Variants in AXIN1 observed in about 807,000 individuals in gnomAD.
AXIN1 encodes the protein axin-1.
AXIN1 carries 30 observed loss-of-function variants against 76.4 expected under a neutral mutation model. The observed-to-expected ratio is 0.39, with a 90% CI of 0.29 to 0.53. AXIN1 has a LOEUF of 0.53. AXIN1 is among the 20% of genes least tolerant of loss of function. The pLI is 0.66. For missense variants in AXIN1, 1,140 were observed against 1,198.8 expected (o/e 0.95, Z 0.72); for synonymous variants, 545 against 501.4 (o/e 1.09, Z -1.16).
chr16:335,635 C>G (rs2053788369), intron 2 of AXIN1, among the ~76,000 whole-genome samples: 1 of 152,044 alleles, frequency 6.6e-6, no homozygotes, highest in African/African-American at 2.4e-5. Context: ...AATAACAGCA[C>G]CCAGTACCAC....
At chr16:298,323 G>A (rs2052776168) in intron 5 of AXIN1, 72 bp from the exon 6 acceptor site, 1 of 1,532,092 alleles carries the variant, frequency 6.5e-7, no homozygotes, top group Non-Finnish European at 8.7e-7. Flanking sequence ...AAAGCATCAG[G>A]CCTGACCCAG....
chr16:330,324 AAAGTGCTGGGATTACAGATGTGAGCC>A (rs2053669026), intron 2 of AXIN1, among the ~76,000 whole-genome samples: 1 of 152,142 alleles, frequency 6.6e-6, no homozygotes, highest in Non-Finnish European at 1.5e-5. Flanking sequence ...TTGGCCTCCC[AAAGTGCTGGGATTACAGATGTGAGCC>A]ACTGTGCCCG....
chr16:289,517 G>A lies in AXIN1; in HGVS notation c.2385C>T (p.Pro795=), dbSNP rs369486230. ...CGCGGCCCCTCACCAGGGTGCGGTA[G>A]GGGATGGGTTCCCCGCAGAAGTAGT... The part of the protein sequence containing the change: ...VAYYFCGEPI[P]YRTLVRGRAV... Residue 795 remains proline (P), a synonymous_variant, in exon 10 of 11, where the codon CCC becomes CCT. Coordinates refer to ENST00000262320, the MANE Select transcript of AXIN1 (RefSeq NM_003502.4). The A allele has an allele frequency of 1.9e-6, 3 of 1,612,886 alleles. No individual in the cohort carries two copies. Among genetic ancestry groups the A allele is most frequent in the Non-Finnish European group, 2.5e-6 (3 of 1,180,034 alleles).
At chr16:347,608 C>T (rs1001838856) in intron 1 of AXIN1, among the ~76,000 whole-genome samples, 1 of 152,250 alleles carries the variant, frequency 6.6e-6, no homozygotes, top group Non-Finnish European at 1.5e-5. Context: ...AGGTGGTGGG[C>T]GTCTTCTGAA....
At chr16:291,123 T>C (rs747810063) in intron 9 of AXIN1, 67 bp downstream of exon 9, 7 of 1,465,196 alleles carry the variant, frequency 4.8e-6, no homozygotes, top group African/African-American at 1.4e-5. Flanking sequence ...GGCTCTACGA[T>C]GGGACCTGGC....
At chr16:303,804 C>G (rs532414385) in intron 5 of AXIN1, among the ~76,000 whole-genome samples, 1 of 152,204 alleles carries the variant, frequency 6.6e-6, no homozygotes, top group Non-Finnish European at 1.5e-5. Context: ...AGCAAAGAGT[C>G]CTACAACACA....
At chr16:288,589 C>G (rs2052456693) in intron 10 of AXIN1, among the ~76,000 whole-genome samples, 1 of 152,230 alleles carries the variant, frequency 6.6e-6, no homozygotes. Context: ...GGAGGTGACC[C>G]CAACTGGGGC....
At chr16:317,908 A>C (rs1035133750) in intron 2 of AXIN1, among the ~76,000 whole-genome samples, 19 of 152,244 alleles carry the variant, frequency 1.2e-4, no homozygotes, top group Non-Finnish European at 2.8e-4. Flanking sequence ...CTTTCTATAA[A>C]CATCTATTTG....
intron 2 of AXIN1, among the ~76,000 whole-genome samples, chr16:317,373 C>G (rs1027327470): frequency 6.6e-6 from 1 of 152,136 alleles, no homozygotes; most frequent in Non-Finnish European, 1.5e-5. Flanking sequence ...GCCTTTCATA[C>G]GAACAGTGCT....
At chr16:292,723 G>A (rs2052600821) in intron 8 of AXIN1, 1 of 152,284 alleles carries the variant, frequency 6.6e-6, no homozygotes, top group Admixed American at 6.5e-5. Context: ...CGAGAAAACT[G>A]GCCTTATGAG....
chr16:347,756 T>C (rs2054061975), intron 1 of AXIN1, among the ~76,000 whole-genome samples: 1 of 152,138 alleles, frequency 6.6e-6, no homozygotes, highest in African/African-American at 2.4e-5. Flanking sequence ...GAGATAATCA[T>C]GGGTCACCTT....
At chr16:340,983 G>A (rs2053906201) in intron 2 of AXIN1, among the ~76,000 whole-genome samples, 1 of 152,274 alleles carries the variant, frequency 6.6e-6, no homozygotes, top group Non-Finnish European at 1.5e-5. Context: ...GGGGATGAGC[G>A]ACTGTGGCAG....
rs149865527 is a variant in AXIN1, at chr16:288,172, G to A, written c.2539C>T (p.Leu847=). 3 of 1,613,572 alleles carry A rather than the reference G, an allele frequency of 1.9e-6. No homozygotes were observed. The highest frequency in any genetic ancestry group is 1.3e-5 in the African/African-American group (1 of 74,942). The part of the protein sequence containing the change: ...FEEVREDEAV[L]PVFEEKIIGK... The stretch of plus-strand genomic sequence containing the variant: ...ATGATCTTCTCCTCAAAGACGGGCA[G>A]GACGGCCTCGTCCTCTCGAACCTCC... The change falls in exon 11 of 11, where the codon CTG becomes TTG. Residue 847 remains leucine, a synonymous_variant. Transcript: ENST00000262320.
At chr16:316,384 C>T (rs2053302405) in intron 2 of AXIN1, among the ~76,000 whole-genome samples, 1 of 152,230 alleles carries the variant, frequency 6.6e-6, no homozygotes, top group Admixed American at 6.5e-5. Flanking sequence ...CTCTCTCCAC[C>T]ACATCTAACT....
chr16:288,418 GACC>G, intron 10 of AXIN1, 170 bp from the exon 11 acceptor site: 1 of 978,804 alleles, frequency 1.0e-6, no homozygotes, highest in Non-Finnish European at 1.5e-6. Context: ...ACAGTGCAAT[GACC>G]ACATGTGGGT....
At chr16:289,111 CAG>C (rs1306994081) in intron 10 of AXIN1, among the ~76,000 whole-genome samples, 3 of 150,272 alleles carry the variant, frequency 2.0e-5, no homozygotes, top group African/African-American at 2.5e-5. Flanking sequence ...GGGGTAGAGA[CAG>C]AGTCTCGCTC....
Position 304,375 on chromosome 16 carries a change from G to A in AXIN1, c.1183C>T (p.Arg395Cys), listed in dbSNP as rs910854855. Residue 395 changes from arginine (R) to cysteine (C), a missense_variant, in exon 5 of 11, where the codon CGC (arginine) becomes TGC (cysteine). Physicochemically the swap from Arg to Cys is radical, Grantham distance 180. Transcript: ENST00000262320. ...CGCGTGCGCTGCACAGCCTCCAGGC[G>A]GTGGATGAGCTCCTCCGCGAACTTC... ...PQKFAEELIH[R>C]LEAVQRTREA... 4 of 1,612,552 alleles carry A rather than the reference G, an allele frequency of 2.5e-6. No individual in the cohort carries two copies. The highest frequency in any genetic ancestry group is 2.5e-6 in the Non-Finnish European group (3 of 1,179,916).
chr16:329,705 G>C (rs1302459622), intron 2 of AXIN1, among the ~76,000 whole-genome samples: 4 of 149,468 alleles, frequency 2.7e-5, no homozygotes, highest in African/African-American at 7.4e-5. Context: ...CTCACTGCAA[G>C]CTCCGCCTCC....
intron 2 of AXIN1, among the ~76,000 whole-genome samples, chr16:323,950 C>T (rs568939433): frequency 2.2e-4 from 33 of 152,278 alleles, no homozygotes; most frequent in African/African-American, 7.9e-4. Context: ...ATGAGCAACC[C>T]ACCCTGGAGA....
Sources: allele counts gnomAD v4.1 joint callset (sites outside exome capture counted in the v4.1 genomes callset), GRCh38; gene constraint gnomAD v4.1.1; transcripts MANE v1.5; gene names NCBI Gene and HGNC (gene_info 2026-07-23, HGNC 2026-07-21).